MEI4: variants seen among roughly 807,000 people sequenced by gnomAD.
MEI4 encodes the protein meiotic double-stranded break formation protein 4.
A neutral mutation model predicts 31.4 loss-of-function variants in MEI4; 27 were observed. The ratio of observed to expected loss-of-function variants is 0.86; its 90% CI spans 0.63 to 1.19. The LOEUF (loss-of-function observed/expected upper bound fraction) is 1.19, where lower values mean the gene tolerates loss of function less well. Among genes scored for constraint, MEI4 ranks in the 50% most tolerant of loss-of-function variants. The probability of loss-of-function intolerance (pLI) is 0.00; values close to 1 mark genes in which losing one functional copy is unlikely to be tolerated. For synonymous variants in MEI4, 122 were observed against 145.4 expected, an observed-to-expected ratio of 0.84 and a Z score of 1.16; for missense variants, 329 against 398.9, an observed-to-expected ratio of 0.82 and a Z score of 1.49.
intron 4 of MEI4, among the ~76,000 whole-genome samples, chr6:77,913,615 A>G (rs542403306): frequency 7.9e-5 from 12 of 151,358 alleles, no homozygotes; most frequent in Admixed American, 2.6e-4. Flanking sequence ...TTGTATTTCT[A>G]TGGTATCTGT....
chr6:77,780,904 A>G (rs1414808825), intron 3 of MEI4, among the ~76,000 whole-genome samples: 2 of 151,990 alleles, frequency 1.3e-5, no homozygotes. Context: ...ATATTTATAT[A>G]TAGAATTTAC....
At chr6:77,914,195 G>A (rs1170633062) in intron 4 of MEI4, among the ~76,000 whole-genome samples, 1 of 151,032 alleles carries the variant, frequency 6.6e-6, no homozygotes, top group African/African-American at 2.4e-5. Context: ...TCATTAGATT[G>A]TTTGAAATCT....
intron 2 of MEI4, among the ~76,000 whole-genome samples, chr6:77,730,140 G>T (rs957580681): frequency 5.3e-5 from 8 of 152,106 alleles, no homozygotes; most frequent in Non-Finnish European, 1.2e-4. Flanking sequence ...AGGTAATTGG[G>T]GCTAGACGGT....
Position 77,744,449 on chromosome 6 carries a change from C to T in MEI4, c.233-16681C>T, listed in dbSNP as rs565712327. 1.3e-3 allele frequency among the ~76,000 whole-genome samples: 191 copies of T among 152,168 alleles called. 1 individual carries two copies. The highest frequency in any genetic ancestry group is 4.5e-3 in the African/African-American group (186 of 41,518). On this transcript the variant is annotated intron_variant, in intron 2 of 4. Transcript: ENST00000684080. The stretch of plus-strand genomic sequence containing the variant: ...GAATAAAAAGAAACAAACAAAGCCT[C>T]CGAGAAATATGGGACTATGCGAAAA...
At chr6:77,677,475 C>G (rs1768865956) in intron 1 of MEI4, among the ~76,000 whole-genome samples, 1 of 152,180 alleles carries the variant, frequency 6.6e-6, no homozygotes, top group Non-Finnish European at 1.5e-5. Context: ...TCTTTTCTTC[C>G]CTAGTATAGT....
At chr6:77,732,461 T>G (rs560322265) in intron 2 of MEI4, among the ~76,000 whole-genome samples, 9 of 152,102 alleles carry the variant, frequency 5.9e-5, no homozygotes, top group Non-Finnish European at 1.2e-4. Flanking sequence ...ATGCTTGTGA[T>G]TTTTGCACAT....
intron 2 of MEI4, among the ~76,000 whole-genome samples, chr6:77,730,130 A>G (rs1766936265): frequency 6.6e-6 from 1 of 152,074 alleles, no homozygotes; most frequent in Non-Finnish European, 1.5e-5. Flanking sequence ...TCAATGGGAA[A>G]GGTAATTGGG....
chr6:77,774,884 C>G (rs1768399742), intron 3 of MEI4, among the ~76,000 whole-genome samples: 1 of 152,014 alleles, frequency 6.6e-6, no homozygotes, highest in South Asian at 2.1e-4. Context: ...GAAATATATT[C>G]TCTCACAGTT....
At chr6:77,857,891 G>T (rs1770781045) in intron 4 of MEI4, among the ~76,000 whole-genome samples, 2 of 152,204 alleles carry the variant, frequency 1.3e-5, no homozygotes, top group South Asian at 4.1e-4. Flanking sequence ...GCATAGTGAT[G>T]TTCAAGTCAC....
At position 77,926,136 on chromosome 6, in the gene MEI4, T is replaced by A. The variant is rs1004796476; in HGVS notation, c.*2790T>A. The A allele has an allele frequency of 6.6e-6, 1 of 151,962 alleles. No individual in the cohort carries two copies. Among genetic ancestry groups the A allele is most frequent in the Non-Finnish European group, 1.5e-5 (1 of 67,968 alleles). 9.4% of individuals were successfully genotyped at this position (151,962 alleles called of 1,614,324 possible). ...AGCTCTCCTGGCACTTCAGTAAACTTTCACAAACACAGCTTCTTTGCAATT... is the reference window on the plus strand; with the variant it reads ...AGCTCTCCTGGCACTTCAGTAAACTATCACAAACACAGCTTCTTTGCAATT... On this transcript the variant is annotated 3_prime_UTR_variant, in exon 5 of 5. Coordinates refer to ENST00000684080, the MANE Select transcript of MEI4 (RefSeq NM_001322247.2).
At chr6:77,771,868 T>C (rs951698866) in intron 3 of MEI4, among the ~76,000 whole-genome samples, 8 of 151,988 alleles carry the variant, frequency 5.3e-5, no homozygotes, top group African/African-American at 1.7e-4. Context: ...TAAAATAATC[T>C]GTACACCAAA....
rs1244496527 is a variant in MEI4 at position 77,868,499 on chromosome 6, CTACATATATATATA to C, written c.900+39440_900+39453del. Among the ~76,000 whole-genome samples the C allele has an allele frequency of 2.3e-3, 145 of 61,730 alleles. 11 individuals are homozygous for C. The East Asian group carries it at 0.054, about 23-fold the overall frequency. The allele number at this position is 61,730 out of a possible 152,430, so 40.5% of individuals were successfully genotyped here. ...GGAAAAAACTTCCATGTAAAAAATA[CTACATATATATATA>C]TATATATATATATATGCAGATTTCA... On this transcript the variant is annotated intron_variant, in intron 4 of 4. Coordinates refer to ENST00000684080, the MANE Select transcript of MEI4 (RefSeq NM_001322247.2).
chr6:77,749,902 C>T (rs996539517), intron 2 of MEI4, among the ~76,000 whole-genome samples: 1 of 152,158 alleles, frequency 6.6e-6, no homozygotes, highest in African/African-American at 2.4e-5. Flanking sequence ...AGAAGCCCAC[C>T]AGACTAACAG....
intron 4 of MEI4, among the ~76,000 whole-genome samples, chr6:77,883,745 A>ATATATATATATATATATATCTATCTAT (rs55947073): frequency 2.4e-5 from 2 of 82,314 alleles, no homozygotes; most frequent in African/African-American, 9.9e-5. Context: ...TATATATATA[A>ATATATATATATATATATATCTATCTAT]CTTTGTCTTT....
At chr6:77,769,343 C>A (rs1407008052) in intron 3 of MEI4, among the ~76,000 whole-genome samples, 1 of 152,156 alleles carries the variant, frequency 6.6e-6, no homozygotes, top group Non-Finnish European at 1.5e-5. Flanking sequence ...TCCATCCTAG[C>A]AATTGGAACC....
intron 3 of MEI4, among the ~76,000 whole-genome samples, chr6:77,819,880 A>G (rs1230368717): frequency 6.6e-6 from 1 of 152,128 alleles, no homozygotes; most frequent in Non-Finnish European, 1.5e-5. Flanking sequence ...AGCAGCTTTG[A>G]GGAATTGGTT....
chr6:77,694,996 C>T (rs1447051843), intron 2 of MEI4, among the ~76,000 whole-genome samples: 1 of 151,912 alleles, frequency 6.6e-6, no homozygotes, highest in African/African-American at 2.4e-5. Flanking sequence ...TTTTGATTTG[C>T]ATTTCTCTGA....
intron 3 of MEI4, among the ~76,000 whole-genome samples, chr6:77,780,976 T>G (rs2127690770): frequency 6.6e-6 from 1 of 152,212 alleles, no homozygotes; most frequent in Middle Eastern, 3.4e-3. Context: ...AGCCTTGAAC[T>G]CCTGGGCTCA....
chr6:77,748,218 C>T (rs114028050), intron 2 of MEI4, among the ~76,000 whole-genome samples: 1,570 of 152,302 alleles, frequency 0.01, 25 homozygotes, highest in African/African-American at 0.036. Context: ...TCCAACCCCA[C>T]GTTTGCCTTC....
Sources: allele counts gnomAD v4.1 joint callset (sites outside exome capture counted in the v4.1 genomes callset), GRCh38; gene constraint gnomAD v4.1.1; transcripts MANE v1.5; gene names NCBI Gene and HGNC (gene_info 2026-07-23, HGNC 2026-07-21).